PRDM9: variants seen among roughly 807,000 people sequenced by gnomAD.
PRDM9 encodes the protein histone-lysine N-methyltransferase PRDM9.
PRDM9 carries 47 observed loss-of-function variants against 55.6 expected under a neutral mutation model. The ratio of observed to expected loss-of-function variants is 0.85; its 90% CI spans 0.67 to 1.08. The LOEUF is 1.08. Among genes scored for constraint, PRDM9 ranks in the 50% least tolerant of loss-of-function variants. The pLI is 0.00. For synonymous variants in PRDM9, 312 were observed against 375.7 expected (o/e 0.83, Z 1.96); for missense variants, 867 against 1,040.3 (o/e 0.83, Z 2.29).
At chr5:23,525,851 C>A (rs535538803) in intron 10 of PRDM9, among the ~76,000 whole-genome samples, 1 of 152,208 alleles carries the variant, frequency 6.6e-6, no homozygotes, top group South Asian at 2.1e-4. Flanking sequence ...AGCAAAAGTG[C>A]CCAGGGACCA....
At chr5:23,510,291 C>T (rs1739068976) in intron 4 of PRDM9, among the ~76,000 whole-genome samples, 1 of 151,778 alleles carries the variant, frequency 6.6e-6, no homozygotes, top group South Asian at 2.1e-4. Flanking sequence ...GAACTCCCGA[C>T]CTCAGGTGAT....
chr5:23,520,054 A>T (rs1561019613), intron 5 of PRDM9, among the ~76,000 whole-genome samples: 1 of 145,952 alleles, frequency 6.9e-6, no homozygotes, highest in Non-Finnish European at 1.5e-5. Context: ...AAAAAAATAA[A>T]AAAAAAAAAG....
chr5:23,517,883 A>C lies in PRDM9; in HGVS notation c.304A>C (p.Lys102Gln). The C allele has an allele frequency of 6.3e-7, 1 of 1,596,564 alleles. No individual in the cohort carries two copies. The highest frequency in any genetic ancestry group is 8.6e-7 in the Non-Finnish European group (1 of 1,164,012). ...ACTGATTTCTCATCACCTTTTAGTC[A>C]AACCTCCTTGGATGGCCTTAAGAGT... is the stretch of plus-strand genomic sequence containing the variant. ...DEEWTPRQQV[K>Q]PPWMALRVEQ... The change falls in exon 5 of 11, where the codon AAA (lysine) becomes CAA (glutamine). Residue 102 changes from lysine to glutamine, a missense_variant and splice_region_variant. By Grantham distance (53) the Lys-to-Gln change is moderately conservative. Around this residue, in one of 5 missense-constraint regions of PRDM9, gnomAD observed 662 missense variants for 711.9 expected, o/e 0.93. Coordinates refer to ENST00000296682, the MANE Select transcript of PRDM9 (RefSeq NM_020227.4).
At chr5:23,511,538 G>T (rs1198206243) in intron 4 of PRDM9, among the ~76,000 whole-genome samples, 1 of 152,036 alleles carries the variant, frequency 6.6e-6, no homozygotes, top group East Asian at 1.9e-4. Context: ...TGGAGATGGG[G>T]TTTTGCCATA....
At chr5:23,523,742 C>G (rs1319632794) in intron 9 of PRDM9, among the ~76,000 whole-genome samples, 3 of 152,144 alleles carry the variant, frequency 2.0e-5, no homozygotes, top group Non-Finnish European at 4.4e-5. Context: ...GACTCAGCCC[C>G]TTTCCACAAT....
chr5:23,520,895 A>G, intron 5 of PRDM9, 128 bp from the exon 6 acceptor site: 1 of 1,116,356 alleles, frequency 9.0e-7, no homozygotes, highest in Admixed American at 2.0e-5. Context: ...TCCCTCTAGT[A>G]TTTAGACACT....
In PRDM9 at chr5:23,526,955, C is replaced by T; in HGVS notation, c.1867C>T (p.Leu623Phe). 1.6e-6 allele frequency: 1 copy of T among 623,928 alleles called. No individual in the cohort carries two copies. The highest frequency in any genetic ancestry group is 2.8e-6 in the Non-Finnish European group (1 of 353,006). 38.6% of individuals were successfully genotyped at this position (623,928 alleles called of 1,614,324 possible). ...GCGGGGCTTTAGCCGGCAGTCAGTC[C>T]TCCTCACTCACCAGAGGAGACACAC... is the stretch of plus-strand genomic sequence containing the variant. ...CGRGFSRQSV[L>F]LTHQRRHTGE... Residue 623 changes from leucine (L) to phenylalanine (F), a missense_variant, in exon 11 of 11, where the codon CTC becomes TTC. Leu to Phe is a conservative substitution (Grantham distance 22). This residue lies in a region of PRDM9 where 27 missense variants were observed against 50.0 expected (regional missense o/e 0.54). Transcript: ENST00000296682.
chr5:23,516,002 G>C (rs952467976), intron 4 of PRDM9, among the ~76,000 whole-genome samples: 1 of 152,204 alleles, frequency 6.6e-6, no homozygotes, highest in African/African-American at 2.4e-5. Context: ...TGAGTCCTTA[G>C]AGATTCTATA....
rs1361565393 is a variant in PRDM9, at chr5:23,526,254, C to T, written c.1166C>T (p.Pro389Leu). 3.7e-6 allele frequency: 6 copies of T among 1,614,076 alleles called. No individual in the cohort carries two copies. The South Asian group carries it at 6.6e-5, about 18-fold the overall frequency. Residue 389 changes from proline to leucine, a missense_variant, in exon 11 of 11, where the codon CCA becomes CTA. Physicochemically the swap from Pro to Leu is moderately conservative, Grantham distance 98 (BLOSUM62 -3). Transcript: ENST00000296682. Reference sequence around the variant, plus strand: ...TCAGAACCAAAGCCAGAGATCCATCCATGTCCCTCATGCTGTCTGGCCTTT... The same window carrying T: ...TCAGAACCAAAGCCAGAGATCCATCTATGTCCCTCATGCTGTCTGGCCTTT... ...AGREPKPEIH[P>L]CPSCCLAFSS...
chr5:23,525,229 C>T (rs186782509), intron 10 of PRDM9, among the ~76,000 whole-genome samples: 1 of 152,306 alleles, frequency 6.6e-6, no homozygotes, highest in African/African-American at 2.4e-5. Flanking sequence ...GCAGCTAGTG[C>T]AATGGTCCTA....
chr5:23,517,981 A>C (rs778103242), intron 5 of PRDM9, 51 bp downstream of exon 5: 1 of 1,486,838 alleles, frequency 6.7e-7, no homozygotes, highest in East Asian at 2.3e-5. Context: ...ATGGATCCAA[A>C]CACAGGTAAG....
intron 3 of PRDM9, 70 bp from the exon 4 acceptor site, chr5:23,509,850 C>T: frequency 6.5e-7 from 1 of 1,544,030 alleles, no homozygotes; most frequent in Non-Finnish European, 8.9e-7. Flanking sequence ...GTGGTGCTTT[C>T]CATTGCCACT....
At chr5:23,518,070 A>C in intron 5 of PRDM9, 140 bp downstream of exon 5, 1 of 797,374 alleles carries the variant, frequency 1.3e-6, no homozygotes. Context: ...TGACATCATC[A>C]TTATTTTAAG....
intron 5 of PRDM9, among the ~76,000 whole-genome samples, chr5:23,519,860 A>G (rs1312350623): frequency 6.8e-6 from 1 of 146,192 alleles, no homozygotes. Flanking sequence ...CCTGGCCAAC[A>G]TGGTGAAACC....
Position 23,522,296 on chromosome 5 carries a change from C to T in PRDM9, c.509-8C>T, listed in dbSNP as rs1182204650. ...CCAATTTTACCCGTCTACTCTTCTC[C>T]AACCTAGAACTCAGGAAGAAGGAGA... is the stretch of plus-strand genomic sequence containing the variant. On this transcript the variant is annotated splice_region_variant and splice_polypyrimidine_tract_variant and intron_variant, in intron 6 of 10. Transcript: ENST00000296682. 2 of 1,607,452 alleles carry T rather than the reference C, an allele frequency of 1.2e-6. No homozygotes were observed. The highest frequency in any genetic ancestry group is 1.7e-6 in the Non-Finnish European group (2 of 1,174,034).
chr5:23,521,296 A>G (rs537042341), intron 6 of PRDM9, 117 bp downstream of exon 6: 1 of 1,132,738 alleles, frequency 8.8e-7, no homozygotes, highest in South Asian at 1.3e-5. Flanking sequence ...GCTGGACTCA[A>G]CTGTGAGACC....
At chr5:23,525,479 A>G (rs1250733764) in intron 10 of PRDM9, among the ~76,000 whole-genome samples, 1 of 152,208 alleles carries the variant, frequency 6.6e-6, no homozygotes, top group Non-Finnish European at 1.5e-5. Flanking sequence ...CTGAGAGAGA[A>G]CATATTCTCA....
chr5:23,517,738 G>A (rs1739242690), intron 4 of PRDM9, 143 bp from the exon 5 acceptor site: 1 of 789,680 alleles, frequency 1.3e-6, no homozygotes, highest in Non-Finnish European at 2.2e-6. Context: ...AGTGAGTGGA[G>A]ATTGAGCCAC....
intron 9 of PRDM9, among the ~76,000 whole-genome samples, chr5:23,523,763 T>C (rs1739379689): frequency 6.6e-6 from 1 of 152,172 alleles, no homozygotes; most frequent in African/African-American, 2.4e-5. Flanking sequence ...GGGCTCTCGT[T>C]CTATCAGAGA....
Sources: allele counts gnomAD v4.1 joint callset (sites outside exome capture counted in the v4.1 genomes callset), GRCh38; gene constraint gnomAD v4.1.1; regional missense constraint gnomAD v4.1.1; transcripts MANE v1.5; gene names NCBI Gene and HGNC (gene_info 2026-07-23, HGNC 2026-07-21).